The following SLC25A48 variants were observed in gnomAD, a reference collection of about 807,000 sequenced individuals.
SLC25A48 encodes the protein solute carrier family 25 member 48, also known as CTC-321K16.1.
A neutral mutation model predicts 32.2 loss-of-function variants in SLC25A48; 29 were observed. That is an observed-to-expected ratio of 0.90 (90% confidence interval 0.67 to 1.23). The LOEUF (loss-of-function observed/expected upper bound fraction) is 1.23, where lower values mean the gene tolerates loss of function less well. SLC25A48 is among the 50% of genes most tolerant of loss of function. The pLI is 0.00. For synonymous variants in SLC25A48, 164 were observed against 172.3 expected, an observed-to-expected ratio of 0.95 and a Z score of 0.38; for missense variants, 399 against 422.7, an observed-to-expected ratio of 0.94 and a Z score of 0.49.
At chr5:135,843,926 A>G (rs1169236043) in intron 2 of SLC25A48, among the ~76,000 whole-genome samples, 2 of 152,094 alleles carry the variant, frequency 1.3e-5, no homozygotes, top group African/African-American at 4.8e-5. Context: ...TGGGTCCCAG[A>G]GCCCACCAAG....
At chr5:135,752,973 G>T (rs1755805615) in intron 3 of SLC25A48, among the ~76,000 whole-genome samples, 1 of 151,676 alleles carries the variant, frequency 6.6e-6, no homozygotes. Flanking sequence ...ATATCACAGG[G>T]GTTTACGCAC....
chr5:135,706,627 G>A (rs1228925110), intron 3 of SLC25A48, among the ~76,000 whole-genome samples: 4 of 152,144 alleles, frequency 2.6e-5, no homozygotes, highest in African/African-American at 7.2e-5. Context: ...TGTGGTGTGC[G>A]CATGGAGAAA....
At chr5:135,791,966 T>C (rs1757041881) in intron 3 of SLC25A48, among the ~76,000 whole-genome samples, 1 of 151,776 alleles carries the variant, frequency 6.6e-6, no homozygotes, top group South Asian at 2.1e-4. Flanking sequence ...ACACACACGG[T>C]GTACACACTG....
At chr5:135,837,449 T>G (rs894147733) in intron 1 of SLC25A48, among the ~76,000 whole-genome samples, 4 of 152,216 alleles carry the variant, frequency 2.6e-5, no homozygotes, top group Non-Finnish European at 5.9e-5. Flanking sequence ...TTCTCGGGAA[T>G]TTGTCTTTGA....
chr5:135,779,615 G>A (rs1756671129), intron 3 of SLC25A48, among the ~76,000 whole-genome samples: 1 of 116,252 alleles, frequency 8.6e-6, no homozygotes, highest in Admixed American at 8.8e-5. Context: ...ACATAATATT[G>A]TTTTTAATAT....
At chr5:135,750,638 A>G (rs1395580519) in intron 3 of SLC25A48, among the ~76,000 whole-genome samples, 1 of 152,124 alleles carries the variant, frequency 6.6e-6, no homozygotes, top group Non-Finnish European at 1.5e-5. Flanking sequence ...AATGTTGTCC[A>G]TAGAGATGCC....
Position 135,814,918 on chromosome 5 carries a change from G to A in SLC25A48, c.-117+1992G>A, listed in dbSNP as rs182275235. Among the ~76,000 whole-genome samples, 30 of 152,352 alleles carry A rather than the reference G, an allele frequency of 2.0e-4. No homozygotes were observed. In the East Asian group the frequency reaches 5.4e-3, roughly 27 times the overall value. On this transcript the variant is annotated intron_variant, in intron 4 of 10. Coordinates refer to the SLC25A48 transcript ENST00000646290. ...ATGGGAGGCCACTGCCTCGTGAACT[G>A]GCAGGGCCTTACTGTGATGGGCCCA...
At chr5:135,663,971 G>A (rs1325134796) in intron 3 of SLC25A48, among the ~76,000 whole-genome samples, 1 of 152,208 alleles carries the variant, frequency 6.6e-6, no homozygotes, top group African/African-American at 2.4e-5. Flanking sequence ...TTGGGGTCCT[G>A]ATGTGGCACT....
intron 3 of SLC25A48, among the ~76,000 whole-genome samples, chr5:135,666,126 C>T (rs1228670235): frequency 6.6e-6 from 1 of 152,214 alleles, no homozygotes; most frequent in African/African-American, 2.4e-5. Context: ...CTTCTGTGGA[C>T]CATCCAGGAC....
intron 3 of SLC25A48, among the ~76,000 whole-genome samples, chr5:135,776,932 G>T (rs1229030561): frequency 1.3e-5 from 2 of 151,786 alleles, no homozygotes; most frequent in African/African-American, 4.8e-5. Context: ...GGCTGCACAG[G>T]CTCCCTGTGA....
chr5:135,858,838 G>T (rs892769855), intron 4 of SLC25A48, among the ~76,000 whole-genome samples: 20 of 152,200 alleles, frequency 1.3e-4, no homozygotes, highest in African/African-American at 4.8e-4. Flanking sequence ...ACAGCTTGTG[G>T]GTTCCAAGGG....
At chr5:135,712,049 C>A (rs562989415) in intron 3 of SLC25A48, among the ~76,000 whole-genome samples, 2 of 152,104 alleles carry the variant, frequency 1.3e-5, no homozygotes, top group Non-Finnish European at 2.9e-5. Context: ...TGGCCTTGAC[C>A]CTGAATTGTC....
chr5:135,769,711 G>A (rs893985646), intron 3 of SLC25A48, among the ~76,000 whole-genome samples: 3 of 135,348 alleles, frequency 2.2e-5, no homozygotes, highest in African/African-American at 5.6e-5. Context: ...CATATCCAGC[G>A]TGGGAGAGGA....
chr5:135,853,021 AG>A lies in SLC25A48; in HGVS notation c.421+201del, dbSNP rs1312634263. Among the ~76,000 whole-genome samples, 3 of 152,380 alleles carry A rather than the reference AG, an allele frequency of 2.0e-5. No homozygotes were observed. In the East Asian group the frequency reaches 5.8e-4, roughly 29 times the overall value. On this transcript the variant is annotated intron_variant, in intron 4 of 7. Coordinates refer to ENST00000681962, the MANE Select transcript of SLC25A48 (RefSeq NM_001349336.2). ...GCAATAATGCAAATATCACAATAAAAGTCACATGAACTTTTTGGTTTCCCAG... is the reference window on the plus strand; with the variant it reads ...GCAATAATGCAAATATCACAATAAAATCACATGAACTTTTTGGTTTCCCAG...
chr5:135,758,788 T>A (rs942863370), intron 3 of SLC25A48, among the ~76,000 whole-genome samples: 4 of 150,738 alleles, frequency 2.7e-5, no homozygotes, highest in African/African-American at 7.2e-5. Flanking sequence ...TAATATATCA[T>A]CTGTGCTATG....
intron 3 of SLC25A48, among the ~76,000 whole-genome samples, chr5:135,765,568 G>A (rs1756193234): frequency 1.3e-5 from 2 of 151,120 alleles, no homozygotes; most frequent in South Asian, 2.1e-4. Context: ...GGGGAAAAGG[G>A]TGATATTACT....
At chr5:135,736,989 C>T (rs1264464743) in intron 3 of SLC25A48, among the ~76,000 whole-genome samples, 1 of 152,132 alleles carries the variant, frequency 6.6e-6, no homozygotes, top group Non-Finnish European at 1.5e-5. Context: ...GGTCTGAGGA[C>T]CCGAGGTCGT....
chr5:135,765,297 G>T (rs34663543), intron 3 of SLC25A48, among the ~76,000 whole-genome samples: 45,625 of 150,610 alleles, frequency 0.3, 7,018 homozygotes, highest in East Asian at 0.46. Context: ...TCAGGGGTAA[G>T]AGGGTAATGT....
intron 3 of SLC25A48, among the ~76,000 whole-genome samples, chr5:135,749,160 C>T (rs1420726896): frequency 6.6e-6 from 1 of 152,052 alleles, no homozygotes; most frequent in East Asian, 1.9e-4. Context: ...CAGGGTTCTC[C>T]CACTCTGCAC....
Sources: gnomAD v4.1 joint callset for allele counts (sites outside exome capture counted in the v4.1 genomes callset) on GRCh38, gnomAD v4.1.1 for gene constraint, MANE v1.5 for transcripts, NCBI Gene and HGNC (gene_info 2026-07-23, HGNC 2026-07-21) for gene names.